The following MYSM1 variants were observed in gnomAD, a reference collection of about 807,000 sequenced individuals.
The protein encoded by MYSM1 is Myb like, SWIRM and MPN domains 1, also known as deubiquitinase MYSM1.
A neutral mutation model predicts 116.0 loss-of-function variants in MYSM1; 51 were observed. The observed-to-expected ratio is 0.44, with a 90% CI of 0.35 to 0.56. The LOEUF (loss-of-function observed/expected upper bound fraction) is 0.56. Among genes scored for constraint, MYSM1 ranks in the 20% least tolerant of loss-of-function variants. The pLI, the probability that MYSM1 is intolerant of heterozygous loss-of-function variation, is 0.00. For synonymous variants in MYSM1, 313 were observed against 315.2 expected, an observed-to-expected ratio of 0.99 and a Z score of 0.07; for missense variants, 900 against 974.9, an observed-to-expected ratio of 0.92 and a Z score of 1.02.
Position 58,664,168 on chromosome 1 carries a change from T to C in MYSM1, c.2164+1331A>G, listed in dbSNP as rs78592853. Among the ~76,000 whole-genome samples the C allele has an allele frequency of 3.0e-3, 451 of 152,316 alleles. 17 individuals are homozygous for C. The East Asian group carries it at 0.067, about 23-fold the overall frequency. ...TGGATAGCATCAGAATTGAGGTTCA[T>C]TACCAAAACCTAGCAGTCTGTGAGA... On this transcript the variant is annotated intron_variant, in intron 17 of 19. Transcript: ENST00000472487.
intron 17 of MYSM1, among the ~76,000 whole-genome samples, 164 bp from the exon 18 acceptor site, chr1:58,661,675 C>T (rs1644394315): frequency 6.6e-6 from 1 of 151,880 alleles, no homozygotes; most frequent in Admixed American, 6.6e-5. Flanking sequence ...ATTTATTGCC[C>T]GATTGTACTT....
intron 6 of MYSM1, 117 bp downstream of exon 6, chr1:58,688,921 G>T: frequency 2.3e-6 from 2 of 852,686 alleles, no homozygotes; most frequent in Non-Finnish European, 1.8e-6. Context: ...AACTAAAGGT[G>T]TTAAAACTGT....
chr1:58,671,094 G>A (rs1405615171), intron 12 of MYSM1, among the ~76,000 whole-genome samples: 3 of 151,988 alleles, frequency 2.0e-5, no homozygotes, highest in Non-Finnish European at 2.9e-5. Context: ...GAACTCTTAA[G>A]CTTAACACTT....
rs190401465 is a variant in MYSM1 at position 58,665,927 on chromosome 1, C to T, written c.2032-296G>A. ...AAAAAATTAGCCAGGTGTAGTGGCA[C>T]GTGCCTGTAACCCCAGCTACTCAGG... On this transcript the variant is annotated intron_variant, in intron 16 of 19. Transcript: ENST00000472487. Among the ~76,000 whole-genome samples the T allele has an allele frequency of 8.7e-4, 132 of 152,110 alleles. 1 individual carries two copies. In the South Asian group the frequency reaches 0.018, roughly 21 times the overall value.
chr1:58,662,825 C>A lies in MYSM1; in HGVS notation c.2165-1314G>T, dbSNP rs903419040. On this transcript the variant is annotated intron_variant, in intron 17 of 19. Transcript: ENST00000472487. ...TTTTATTTAATTGCTCAATTTTCCT[C>A]TTCTCCAAAAACTTAAGAAGAGTGA... Among the ~76,000 whole-genome samples the A allele has an allele frequency of 2.0e-5, 3 of 152,210 alleles. 1 individual carries two copies. The highest frequency in any genetic ancestry group is 6.5e-5 in the Admixed American group (1 of 15,272).
At chr1:58,687,616 T>C (rs1644846092) in intron 6 of MYSM1, among the ~76,000 whole-genome samples, 1 of 152,152 alleles carries the variant, frequency 6.6e-6, no homozygotes, top group Non-Finnish European at 1.5e-5. Context: ...GTATCCTGCC[T>C]AACCACCTGA....
chr1:58,691,006 G>A (rs762092770), intron 3 of MYSM1, among the ~76,000 whole-genome samples: 7 of 152,122 alleles, frequency 4.6e-5, no homozygotes, highest in Non-Finnish European at 8.8e-5. Flanking sequence ...GAGGCCAGGC[G>A]CGGTGGCTCA....
chr1:58,685,090 TACTTCTGC>T, intron 7 of MYSM1, 55 bp downstream of exon 7: 1 of 1,332,882 alleles, frequency 7.5e-7, no homozygotes, highest in Non-Finnish European at 1.0e-6. Context: ...ATTAAAGAAA[TACTTCTGC>T]TTAGTTTTTT....
chr1:58,678,454 G>A (rs181574691), intron 8 of MYSM1, among the ~76,000 whole-genome samples: 1 of 152,208 alleles, frequency 6.6e-6, no homozygotes, highest in East Asian at 1.9e-4. Context: ...CTGAACAAAT[G>A]GTAAGGACTC....
intron 17 of MYSM1, among the ~76,000 whole-genome samples, chr1:58,662,246 A>C (rs1419895066): frequency 1.3e-5 from 2 of 152,262 alleles, no homozygotes; most frequent in African/African-American, 4.8e-5. Context: ...TTCATCTAGA[A>C]AGGAAAAAAT....
chr1:58,665,194 A>G (rs1050901943), intron 17 of MYSM1, among the ~76,000 whole-genome samples: 8 of 152,140 alleles, frequency 5.3e-5, no homozygotes, highest in African/African-American at 1.9e-4. Flanking sequence ...ATGAGAACAG[A>G]GACTGTTTTG....
At chr1:58,671,276 C>A (rs1644556771) in intron 12 of MYSM1, among the ~76,000 whole-genome samples, 1 of 152,042 alleles carries the variant, frequency 6.6e-6, no homozygotes, top group South Asian at 2.1e-4. Flanking sequence ...ATACAGCTAA[C>A]AGTGTTATTT....
Position 58,676,937 on chromosome 1 carries a change from T to C in MYSM1, c.1379A>G (p.Asn460Ser), listed in dbSNP as rs1175017140. Reference sequence around the variant, plus strand: ...GTTTTTATTTTTACCACATCCAAAATTGATTGCTCCTATCAATTCGAGGTA... The same window carrying C: ...GTTTTTATTTTTACCACATCCAAAACTGATTGCTCCTATCAATTCGAGGTA... ...HTYLELIGAINFGCEQAVYNR... is the reference protein window; with the variant it reads ...HTYLELIGAISFGCEQAVYNR... The change falls in exon 9 of 20, where the codon AAT (asparagine) becomes AGT (serine). Residue 460 changes from asparagine to serine, a missense_variant. This residue lies in a region of MYSM1 where 622 missense variants were observed against 623.7 expected (regional missense o/e 1.00). Coordinates refer to ENST00000472487, the MANE Select transcript of MYSM1 (RefSeq NM_001085487.3). 3.1e-6 allele frequency: 5 copies of C among 1,609,396 alleles called. No individual in the cohort carries two copies. The highest frequency in any genetic ancestry group is 1.1e-5 in the South Asian group (1 of 89,840).
At chr1:58,661,775 T>TG (rs1644396108) in intron 17 of MYSM1, among the ~76,000 whole-genome samples, 1 of 152,108 alleles carries the variant, frequency 6.6e-6, no homozygotes, top group Non-Finnish European at 1.5e-5. Flanking sequence ...GGCACTATGA[T>TG]GGGATGATCA....
chr1:58,680,114 T>TA (rs1475958790), intron 8 of MYSM1, among the ~76,000 whole-genome samples: 2 of 151,876 alleles, frequency 1.3e-5, no homozygotes, highest in African/African-American at 4.8e-5. Flanking sequence ...TCAAGGTCCT[T>TA]AAATTTTGGC....
Position 58,682,392 on chromosome 1 carries a change from A to C in MYSM1, c.652T>G (p.Ser218Ala). ...NLNAVKIEKL[S>A]DDEEVDITDE... ...GTGATGTCTACTTCTTCATCATCAG[A>C]TAACTTTTCAATTTTTACAGCATTC... The change falls in exon 8 of 20, where the codon TCT (serine) becomes GCT (alanine). Residue 218 changes from serine (S) to alanine (A), a missense_variant. Transcript: ENST00000472487. 6.2e-7 allele frequency: 1 copy of C among 1,614,204 alleles called. No homozygotes were observed. The highest frequency in any genetic ancestry group is 8.5e-7 in the Non-Finnish European group (1 of 1,180,028).
intron 3 of MYSM1, 108 bp downstream of exon 3, chr1:58,692,753 G>A (rs1644920459): frequency 2.8e-6 from 2 of 701,864 alleles, no homozygotes; most frequent in African/African-American, 1.8e-5. Context: ...ATAGCAGTCT[G>A]GTGCTGTATA....
At chr1:58,696,937 G>C (rs933940290) in intron 1 of MYSM1, among the ~76,000 whole-genome samples, 2 of 152,208 alleles carry the variant, frequency 1.3e-5, no homozygotes, top group Non-Finnish European at 2.9e-5. Context: ...AGAATAATAT[G>C]ATCAGATCTG....
At position 58,690,155 on chromosome 1, in the gene MYSM1, T is replaced by C. The variant is rs970287763; in HGVS notation, c.320+71A>G. ...GGGCTTTTCCACAGGCCAACTATAA[T>C]TAAAAAAAAATTATTCCATAATTTT... is the stretch of plus-strand genomic sequence containing the variant. On this transcript the variant is annotated intron_variant, in intron 5 of 19. Coordinates refer to ENST00000472487, the MANE Select transcript of MYSM1 (RefSeq NM_001085487.3). The C allele has an allele frequency of 3.1e-6, 4 of 1,307,656 alleles. No homozygotes were observed. The African/African-American group carries it at 4.6e-5, about 15-fold the overall frequency. The allele number at this position is 1,307,656 out of a possible 1,614,324, so 81.0% of individuals were successfully genotyped here. A position where few individuals can be genotyped will look rare whatever the true frequency, so the allele number is the denominator to read the frequency against.
Sources: allele counts gnomAD v4.1 joint callset (sites outside exome capture counted in the v4.1 genomes callset), GRCh38; gene constraint gnomAD v4.1.1; regional missense constraint gnomAD v4.1.1; transcripts MANE v1.5; gene names NCBI Gene and HGNC (gene_info 2026-07-23, HGNC 2026-07-21).